Variants in CLCN7 observed in about 807,000 individuals in gnomAD.
The protein encoded by CLCN7 is Cl-/H+ antiporter 7.
CLCN7 carries 60 observed loss-of-function variants against 102.1 expected under a neutral mutation model. The ratio of observed to expected loss-of-function variants is 0.59; its 90% CI spans 0.48 to 0.73. The LOEUF (loss-of-function observed/expected upper bound fraction) is 0.73, where lower values mean the gene tolerates loss of function less well. Ranked by LOEUF, CLCN7 falls within the 30% of genes least tolerant of loss-of-function variation. The pLI, the probability that CLCN7 is intolerant of heterozygous loss-of-function variation, is 0.00. For synonymous variants in CLCN7, 560 were observed against 490.5 expected (o/e 1.14, Z -1.87); for missense variants, 962 against 1,125.7 (o/e 0.85, Z 2.08).
At chr16:1,452,524 G>A in intron 15 of CLCN7, 4 of 575,358 alleles carry the variant, frequency 7.0e-6, no homozygotes. Flanking sequence ...AGAGGACTGG[G>A]GGGAGCCTCT....
chr16:1,449,815 G>A (rs1340491475), intron 17 of CLCN7: 9 of 222,450 alleles, frequency 4.0e-5, no homozygotes, highest in South Asian at 7.0e-5. Context: ...GAGAAACGCC[G>A]CTGAACTGCC....
intron 17 of CLCN7, 108 bp from the exon 18 acceptor site, chr16:1,449,435 A>G: frequency 9.6e-7 from 1 of 1,037,608 alleles, no homozygotes; most frequent in Non-Finnish European, 1.5e-6. Context: ...CACAGCCAGG[A>G]ACAAACCTCG....
intron 16 of CLCN7, 107 bp downstream of exon 16, chr16:1,451,516 A>T: frequency 2.3e-6 from 2 of 862,826 alleles, no homozygotes; most frequent in South Asian, 1.4e-5. Flanking sequence ...GCTAGGGATG[A>T]CCCCCCAGCC....
At position 1,451,732 on chromosome 16, in the gene CLCN7, A is replaced by G; in HGVS notation, c.1354-16T>C. 1 of 1,607,744 alleles carries G rather than the reference A, an allele frequency of 6.2e-7. No individual in the cohort carries two copies. The highest frequency in any genetic ancestry group is 8.5e-7 in the Non-Finnish European group (1 of 1,176,406). ...CACAAAAGAGCTGTGGGGTCGGGAG[A>G]GAGCACACGTTGGGAGGGGAGATGA... On this transcript the variant is annotated splice_polypyrimidine_tract_variant and intron_variant, in intron 15 of 24. Coordinates refer to ENST00000382745, the MANE Select transcript of CLCN7 (RefSeq NM_001287.6).
In CLCN7 at chr16:1,457,805, C is replaced by G. The variant is rs368131871; in HGVS notation, c.676-49G>C. ...CCTCTGATGAAAAGGCAGGCGCTGTCTTTGGACCTGAGCCGTAAAACAGCA... is the reference window on the plus strand; with the variant it reads ...CCTCTGATGAAAAGGCAGGCGCTGTGTTTGGACCTGAGCCGTAAAACAGCA... On this transcript the variant is annotated intron_variant, in intron 7 of 24. Coordinates refer to ENST00000382745, the MANE Select transcript of CLCN7 (RefSeq NM_001287.6). This position sits in a 1 kb window ranked among gnomAD's most constrained non-coding sequence, Gnocchi z 5.4. 77 of 1,575,310 alleles carry G rather than the reference C, an allele frequency of 4.9e-5. No homozygotes were observed. Among genetic ancestry groups the G allele is most frequent in the Non-Finnish European group, 1.0e-5 (12 of 1,145,684 alleles).
At position 1,446,600 on chromosome 16, in the gene CLCN7, C is replaced by T. The variant is rs867739286; in HGVS notation, c.*31G>A. On this transcript the variant is annotated 3_prime_UTR_variant, in exon 25 of 25. Coordinates refer to ENST00000382745, the MANE Select transcript of CLCN7 (RefSeq NM_001287.6). ...AAATGCAGAAGGGCCGGGGTGCCAG[C>T]GCCAGTGCCCATTATGGGCAGGGCT... 18 of 1,529,076 alleles carry T rather than the reference C, an allele frequency of 1.2e-5. No individual in the cohort carries two copies. Among genetic ancestry groups the T allele is most frequent in the South Asian group, 4.8e-5 (4 of 83,884 alleles). The allele number at this position is 1,529,076 out of a possible 1,614,324, so 94.7% of individuals were successfully genotyped here. A position where few individuals can be genotyped will look rare whatever the true frequency, so the allele number is the denominator to read the frequency against.
At chr16:1,469,321 T>C (rs1247731521) in intron 1 of CLCN7, among the ~76,000 whole-genome samples, 1 of 152,118 alleles carries the variant, frequency 6.6e-6, no homozygotes, top group Non-Finnish European at 1.5e-5. Flanking sequence ...AGGTAACCTA[T>C]GAAACGAGAA....
intron 13 of CLCN7, 28 bp from the exon 14 acceptor site, chr16:1,453,922 G>A (rs773946358): frequency 8.7e-6 from 14 of 1,611,774 alleles, no homozygotes; most frequent in Admixed American, 3.3e-5. Context: ...GCCAGTCAGC[G>A]ACACCGGAGG....
intron 1 of CLCN7, among the ~76,000 whole-genome samples, chr16:1,473,593 T>C (rs2039108832): frequency 6.6e-6 from 1 of 150,992 alleles, no homozygotes; most frequent in Admixed American, 6.6e-5. Flanking sequence ...CAGGATGGTC[T>C]CAATCTCCTG....
In CLCN7 at chr16:1,446,479, TC is replaced by T. The variant is rs2038644737; in HGVS notation, c.*151del. 1 of 748,900 alleles carries T rather than the reference TC, an allele frequency of 1.3e-6. No individual in the cohort carries two copies. Among genetic ancestry groups the T allele is most frequent in the Non-Finnish European group, 2.3e-6 (1 of 426,496 alleles). The allele number at this position is 748,900 out of a possible 1,614,324, so 46.4% of individuals were successfully genotyped here. ...GGGTCAGTCCCGCGAGAGGGTCAGT[TC>T]CGCGCCTGCCGCCTGCCCGCCCAGC... is the stretch of plus-strand genomic sequence containing the variant. On this transcript the variant is annotated 3_prime_UTR_variant, in exon 25 of 25. Transcript: ENST00000382745.
Position 1,460,858 on chromosome 16 carries a change from C to G in CLCN7, c.442G>C (p.Val148Leu), listed in dbSNP as rs1596223917. ...GLVACFIDIV[V>L]ENLAGLKYRV... ...TACTTGAGGCCAGCCAGGTTTTCCA[C>G]CACGATGTCAATGAAGCAGGCCACG... The change falls in exon 5 of 25, where the codon GTG becomes CTG. Residue 148 changes from valine to leucine, a missense_variant. By Grantham distance (32) the Val-to-Leu change is conservative (BLOSUM62 1). This residue lies in a region of CLCN7 where 799 missense variants were observed against 988.0 expected (regional missense o/e 0.81). Transcript: ENST00000382745. 6.2e-7 allele frequency: 1 copy of G among 1,614,056 alleles called. No homozygotes were observed. The highest frequency in any genetic ancestry group is 8.5e-7 in the Non-Finnish European group (1 of 1,179,962).
Position 1,447,612 on chromosome 16 carries a change from C to T in CLCN7, c.2073+43G>A, listed in dbSNP as rs779166656. 253 of 1,551,554 alleles carry T rather than the reference C, an allele frequency of 1.6e-4. 1 individual carries two copies. The Middle Eastern group carries it at 1.7e-3, about 10-fold the overall frequency. On this transcript the variant is annotated intron_variant, in intron 22 of 24. Coordinates refer to ENST00000382745, the MANE Select transcript of CLCN7 (RefSeq NM_001287.6). ...TGTGTCAGGCACCCAGGCAGCACCC[C>T]CGGGGCCCCCACCCGCCCAATGGCC...
chr16:1,447,639 G>A lies in CLCN7; in HGVS notation c.2073+16C>T, dbSNP rs35021217. On this transcript the variant is annotated intron_variant, in intron 22 of 24. Coordinates refer to ENST00000382745, the MANE Select transcript of CLCN7 (RefSeq NM_001287.6). ...GGGGCCCCCACCCGCCCAATGGCCC[G>A]GAGCCTGGCACGCACCTTGTGCTTT... The A allele has an allele frequency of 0.092, 142,523 of 1,553,366 alleles. 7,469 individuals carry two copies. The highest frequency in any genetic ancestry group is 0.11 in the Non-Finnish European group (122,790 of 1,148,756).
chr16:1,445,154 G>C lies in CLCN7; in HGVS notation c.*1477C>G, dbSNP rs1437732153. ...CCTTGCCCCCAGACCCACCAGCCAG[G>C]AGCCAGAGGAGGGAGGCTGAGGGGC... On this transcript the variant is annotated 3_prime_UTR_variant, in exon 25 of 25. Coordinates refer to ENST00000382745, the MANE Select transcript of CLCN7 (RefSeq NM_001287.6). The C allele has an allele frequency of 6.6e-6, 1 of 152,038 alleles. No homozygotes were observed. Among genetic ancestry groups the C allele is most frequent in the Non-Finnish European group, 1.5e-5 (1 of 68,020 alleles). 9.4% of individuals were successfully genotyped at this position (152,038 alleles called of 1,614,324 possible). A position where few individuals can be genotyped will look rare whatever the true frequency, so the allele number is the denominator to read the frequency against.
intron 11 of CLCN7, 83 bp from the exon 12 acceptor site, chr16:1,455,333 T>G (rs2038817915): frequency 1.1e-6 from 1 of 923,748 alleles, no homozygotes; most frequent in African/African-American, 1.6e-5. Context: ...CCATCGCCCC[T>G]CCTGTCAGCC....
intron 11 of CLCN7, 172 bp from the exon 12 acceptor site, chr16:1,455,422 A>C (rs2038820007): frequency 1.5e-6 from 1 of 688,190 alleles, no homozygotes; most frequent in Admixed American, 2.1e-5. Flanking sequence ...CTGTGCGGGC[A>C]AGGAGCGGCC....
At chr16:1,460,227 C>T (rs148962419) in intron 6 of CLCN7, among the ~76,000 whole-genome samples, 191 bp downstream of exon 6, 61 of 151,258 alleles carry the variant, frequency 4.0e-4, no homozygotes, top group African/African-American at 1.4e-3. Context: ...CCCCAGGGCT[C>T]TGGGGGTGAA....
At position 1,474,083 on chromosome 16, in the gene CLCN7, T is replaced by C. The variant is rs1025341944; in HGVS notation, c.141+751A>G. On this transcript the variant is annotated intron_variant, in intron 1 of 24. Transcript: ENST00000382745. ...TGGGCAACTACAGTGAAACTCCGTC[T>C]CAAAAAAAAAAAAATATTAAGACAA... 7.7e-6 allele frequency: 3 copies of C among 388,166 alleles called. No individual in the cohort carries two copies. In the Admixed American group the frequency reaches 8.3e-5, roughly 11 times the overall value. 24.0% of individuals were successfully genotyped at this position (388,166 alleles called of 1,614,324 possible). A position where few individuals can be genotyped will look rare whatever the true frequency, so the allele number is the denominator to read the frequency against.
intron 1 of CLCN7, among the ~76,000 whole-genome samples, chr16:1,474,572 A>G (rs1177986869): frequency 1.3e-5 from 2 of 152,048 alleles, no homozygotes; most frequent in Non-Finnish European, 2.9e-5. Flanking sequence ...AGCGCCCCAC[A>G]TTCCGCGGGG....
Sources: allele counts gnomAD v4.1 joint callset (sites outside exome capture counted in the v4.1 genomes callset), GRCh38; gene constraint gnomAD v4.1.1; regional missense constraint gnomAD v4.1.1; non-coding constraint Gnocchi (gnomAD v3.1); transcripts MANE v1.5; gene names NCBI Gene and HGNC (gene_info 2026-07-23, HGNC 2026-07-21).